Variants in MYRFL observed in about 807,000 individuals in gnomAD.
MYRFL encodes the protein myelin regulatory factor-like protein.
MYRFL carries 88 observed loss-of-function variants against 109.4 expected under a neutral mutation model. The ratio of observed to expected loss-of-function variants is 0.80; its 90% confidence interval spans 0.68 to 0.96. The LOEUF (loss-of-function observed/expected upper bound fraction) is 0.96, where lower values mean the gene tolerates loss of function less well. MYRFL is among the 40% of genes least tolerant of loss of function. The probability of loss-of-function intolerance (pLI) is 0.00; values close to 1 mark genes in which losing one functional copy is unlikely to be tolerated. For missense variants in MYRFL, 957 were observed against 954.9 expected (o/e 1.00, Z -0.03); for synonymous variants, 324 against 320.9 (o/e 1.01, Z -0.10).
intron 1 of MYRFL, among the ~76,000 whole-genome samples, chr12:69,843,460 G>C (rs1198232687): frequency 6.6e-6 from 1 of 152,294 alleles, no homozygotes; most frequent in Admixed American, 6.5e-5. Context: ...TCACTGTTGG[G>C]GAAAGTGATG....
At position 69,891,038 on chromosome 12, in the gene MYRFL, G is replaced by T; in HGVS notation, c.775G>T (p.Val259Phe). ...TTTTTCACCAGCAGATGAAGCTTTT[G>T]TTTGCCAAAAGAAGAATCATTTCCA... ...FNFSPADEAF[V>F]CQKKNHFQIT... The change falls in exon 7 of 25, where the codon GTT (valine) becomes TTT (phenylalanine). Residue 259 changes from valine (V) to phenylalanine (F), a missense_variant. Transcript: ENST00000552032. The T allele has an allele frequency of 6.5e-7, 1 of 1,534,966 alleles. No homozygotes were observed.
chr12:69,929,945 T>A (rs1955218245), intron 15 of MYRFL, among the ~76,000 whole-genome samples: 1 of 152,234 alleles, frequency 6.6e-6, no homozygotes, highest in Admixed American at 6.5e-5. Flanking sequence ...TGCTGCATAA[T>A]AGGTTGTTAT....
intron 13 of MYRFL, among the ~76,000 whole-genome samples, chr12:69,916,107 T>G (rs950091016): frequency 1.6e-4 from 25 of 152,092 alleles, no homozygotes; most frequent in Admixed American, 8.5e-4. Flanking sequence ...TCTATTTTTT[T>G]TAATCATAAT....
At chr12:69,934,433 A>T (rs1227712863) in intron 16 of MYRFL, among the ~76,000 whole-genome samples, 7 of 152,206 alleles carry the variant, frequency 4.6e-5, no homozygotes, top group Non-Finnish European at 2.9e-5. Context: ...TAGCTCTGCC[A>T]TCTGCAGCCC....
intron 1 of MYRFL, among the ~76,000 whole-genome samples, chr12:69,835,098 A>G (rs1421228184): frequency 6.6e-6 from 1 of 152,172 alleles, no homozygotes; most frequent in Non-Finnish European, 1.5e-5. Context: ...AACTTTTTTC[A>G]GTTTACCTAT....
At chr12:69,833,876 G>A (rs953216593) in intron 1 of MYRFL, among the ~76,000 whole-genome samples, 3 of 136,892 alleles carry the variant, frequency 2.2e-5, no homozygotes, top group Non-Finnish European at 3.1e-5. Context: ...AAATTATTCC[G>A]GACTGCTAGC....
intron 2 of MYRFL, among the ~76,000 whole-genome samples, chr12:69,870,552 A>G (rs1885297243): frequency 6.6e-6 from 1 of 152,196 alleles, no homozygotes; most frequent in African/African-American, 2.4e-5. Context: ...AAAGGGGCTA[A>G]GAAGTGAAGA....
intron 13 of MYRFL, among the ~76,000 whole-genome samples, chr12:69,912,873 C>A (rs1592815997): frequency 6.6e-6 from 1 of 152,106 alleles, no homozygotes; most frequent in Non-Finnish European, 1.5e-5. Flanking sequence ...TTTTGAGGAA[C>A]CACCATACTA....
chr12:69,940,040 T>G (rs12370523), intron 19 of MYRFL, among the ~76,000 whole-genome samples: 17,336 of 150,278 alleles, frequency 0.12, 1,208 homozygotes, highest in Non-Finnish European at 0.16. Context: ...CTCCAAGAAA[T>G]ATGGGACTAT....
At chr12:69,863,681 A>C (rs1240230) in intron 2 of MYRFL, among the ~76,000 whole-genome samples, 37,801 of 152,126 alleles carry the variant, frequency 0.25, 5,462 homozygotes, top group Middle Eastern at 0.38. Context: ...GTATATGTTG[A>C]GGAACTTAAG....
chr12:69,871,830 G>A (rs568820530), intron 2 of MYRFL, among the ~76,000 whole-genome samples: 4 of 151,978 alleles, frequency 2.6e-5, no homozygotes, highest in African/African-American at 9.7e-5. Context: ...GTTCCCTCAA[G>A]TTCTCTAAAA....
intron 22 of MYRFL, among the ~76,000 whole-genome samples, chr12:69,956,188 T>TA (rs34735216): frequency 1.3e-3 from 186 of 142,232 alleles, no homozygotes; most frequent in South Asian, 3.4e-3. Context: ...TCAGGACACA[T>TA]AAAAAAAAAA....
chr12:69,898,553 T>C (rs1182182516), intron 10 of MYRFL, among the ~76,000 whole-genome samples: 4 of 152,234 alleles, frequency 2.6e-5, no homozygotes, highest in Non-Finnish European at 5.9e-5. Context: ...TCTTATTTGA[T>C]GTAATCTGGA....
At chr12:69,935,112 G>A (rs1221195875) in intron 16 of MYRFL, among the ~76,000 whole-genome samples, 1 of 152,154 alleles carries the variant, frequency 6.6e-6, no homozygotes, top group Non-Finnish European at 1.5e-5. Flanking sequence ...TCCCAGGCAG[G>A]GCTGTGCCTG....
rs376488971 is a variant in MYRFL at position 69,955,443 on chromosome 12, T to C, written c.2450+6T>C. 5 of 602,486 alleles carry C rather than the reference T, an allele frequency of 8.3e-6. No homozygotes were observed. Among genetic ancestry groups the C allele is most frequent in the East Asian group, 3.0e-5 (1 of 33,510 alleles). The allele number at this position is 602,486 out of a possible 1,614,324, so 37.3% of individuals were successfully genotyped here. On this transcript the variant is annotated splice_donor_region_variant and intron_variant, in intron 22 of 24. Coordinates refer to ENST00000552032, the MANE Select transcript of MYRFL (RefSeq NM_182530.3). ...AAGTTCTCTCTGGAAATAAAGTAAG[T>C]GCATGGCTGTAAAAAACAATTTCAT...
chr12:69,830,483 C>CTA (rs145145377), intron 1 of MYRFL, among the ~76,000 whole-genome samples: 15,861 of 147,642 alleles, frequency 0.11, 1,133 homozygotes, highest in Middle Eastern at 0.19. Context: ...ATAGAGATAT[C>CTA]TATATATATA....
chr12:69,933,787 T>C (rs1955351049), intron 16 of MYRFL, among the ~76,000 whole-genome samples: 1 of 152,152 alleles, frequency 6.6e-6, no homozygotes, highest in Non-Finnish European at 1.5e-5. Flanking sequence ...TAGTATTCTC[T>C]AGAGACACAG....
At position 69,861,081 on chromosome 12, in the gene MYRFL, C is replaced by A. The variant is rs527948149; in HGVS notation, c.137+5711C>A. 1.0e-4 allele frequency among the ~76,000 whole-genome samples: 15 copies of A among 150,068 alleles called. No individual in the cohort carries two copies. In the East Asian group the frequency reaches 2.9e-3, roughly 29 times the overall value. ...GTCCCTACAAAGGACATGAACTCATCATTTTTTATGGCTGCATAGTATTCC... is the reference window on the plus strand; with the variant it reads ...GTCCCTACAAAGGACATGAACTCATAATTTTTTATGGCTGCATAGTATTCC... On this transcript the variant is annotated intron_variant, in intron 2 of 24. Coordinates refer to ENST00000552032, the MANE Select transcript of MYRFL (RefSeq NM_182530.3).
intron 22 of MYRFL, among the ~76,000 whole-genome samples, chr12:69,957,282 G>C (rs1177239733): frequency 1.3e-5 from 2 of 152,080 alleles, no homozygotes; most frequent in African/African-American, 2.4e-5. Context: ...TATCTGCCTA[G>C]ACCCGGAATT....
Sources: gnomAD v4.1 joint callset for allele counts (sites outside exome capture counted in the v4.1 genomes callset) on GRCh38, gnomAD v4.1.1 for gene constraint, MANE v1.5 for transcripts, NCBI Gene and HGNC (gene_info 2026-07-23, HGNC 2026-07-21) for gene names.